Variants in XKR4 observed in about 807,000 individuals in gnomAD.
XKR4 encodes XK-related protein 4.
In XKR4, 12 loss-of-function variants were observed where a neutral mutation model predicts 53.9. The ratio of observed to expected loss-of-function variants is 0.22; its 90% CI spans 0.14 to 0.36. The LOEUF (loss-of-function observed/expected upper bound fraction) is 0.36, where lower values mean the gene tolerates loss of function less well. Among genes scored for constraint, XKR4 ranks in the 10% least tolerant of loss-of-function variants. The pLI is 1.00. For synonymous variants in XKR4, 354 were observed against 362.4 expected (o/e 0.98, Z 0.26); for missense variants, 799 against 859.5 (o/e 0.93, Z 0.88).
intron 1 of XKR4, among the ~76,000 whole-genome samples, chr8:55,305,281 T>TTACA (rs1819278963): frequency 6.6e-6 from 1 of 152,188 alleles, no homozygotes; most frequent in South Asian, 2.1e-4. Flanking sequence ...ATCTCTGTCA[T>TTACA]TACAGAAAGT....
At chr8:55,453,041 G>A (rs1295085792) in intron 2 of XKR4, 2 of 617,232 alleles carry the variant, frequency 3.2e-6, no homozygotes, top group East Asian at 8.0e-5. Context: ...TCCTGGGAAG[G>A]TGCCTCCCCA....
chr8:55,505,211 T>C (rs13438901), intron 2 of XKR4, among the ~76,000 whole-genome samples: 4,706 of 152,258 alleles, frequency 0.031, 250 homozygotes, highest in African/African-American at 0.11. Flanking sequence ...TAGCATTGCT[T>C]TGCTGCATCT....
Position 55,450,605 on chromosome 8 carries a change from G to C in XKR4, c.1007-72676G>C, listed in dbSNP as rs1003785293. 10 of 715,440 alleles carry C rather than the reference G, an allele frequency of 1.4e-5. No homozygotes were observed. In the Admixed American group the frequency reaches 1.7e-4, roughly 12 times the overall value. The allele number at this position is 715,440 out of a possible 1,614,324, so 44.3% of individuals were successfully genotyped here. ...GAACTGGCTGAACTCAAACTCCATG[G>C]GGAACTGCAGGTGGAGCTGGTGTAG... On this transcript the variant is annotated intron_variant, in intron 2 of 2. Coordinates refer to ENST00000327381, the MANE Select transcript of XKR4 (RefSeq NM_052898.2).
chr8:55,504,275 C>T (rs746088833), intron 2 of XKR4, among the ~76,000 whole-genome samples: 3 of 151,748 alleles, frequency 2.0e-5, no homozygotes, highest in African/African-American at 4.8e-5. Context: ...TGCAGTGATG[C>T]GATCTCAGCT....
chr8:55,357,543 A>T, intron 1 of XKR4, 135 bp from the exon 2 acceptor site: 2 of 854,772 alleles, frequency 2.3e-6, no homozygotes, highest in Non-Finnish European at 3.6e-6. Context: ...TTTGGACTTT[A>T]ACTCATAAGC....
chr8:55,509,480 A>T (rs1463728755), intron 2 of XKR4, among the ~76,000 whole-genome samples: 1 of 152,200 alleles, frequency 6.6e-6, no homozygotes, highest in Non-Finnish European at 1.5e-5. Context: ...TCCCAAACAG[A>T]ATTTTGTTAT....
intron 2 of XKR4, among the ~76,000 whole-genome samples, chr8:55,397,807 G>A: frequency 6.6e-6 from 1 of 152,136 alleles, no homozygotes; most frequent in Non-Finnish European, 1.5e-5. Flanking sequence ...TCTTGGTCCA[G>A]TTTCAGATGC....
At chr8:55,230,694 T>C (rs773988388) in intron 1 of XKR4, among the ~76,000 whole-genome samples, 5 of 152,026 alleles carry the variant, frequency 3.3e-5, no homozygotes, top group Non-Finnish European at 7.4e-5. Context: ...TCTTGAAAAG[T>C]AGGAATGAAA....
intron 1 of XKR4, among the ~76,000 whole-genome samples, chr8:55,163,435 T>C (rs1331432517): frequency 6.6e-6 from 1 of 152,224 alleles, no homozygotes; most frequent in African/African-American, 2.4e-5. Flanking sequence ...TGGTTCCATA[T>C]AGAATTTCAC....
chr8:55,305,671 A>T (rs112721001), intron 1 of XKR4, among the ~76,000 whole-genome samples: 2,729 of 152,292 alleles, frequency 0.018, 63 homozygotes, highest in African/African-American at 0.053. Flanking sequence ...GATTAGCTTA[A>T]CAAACACAGC....
intron 1 of XKR4, among the ~76,000 whole-genome samples, chr8:55,331,562 T>C (rs561244746): frequency 6.6e-6 from 1 of 152,326 alleles, no homozygotes; most frequent in African/African-American, 2.4e-5. Flanking sequence ...TCTCCAACTA[T>C]TATTGTAGGA....
intron 2 of XKR4, among the ~76,000 whole-genome samples, chr8:55,513,985 G>A (rs1485689296): frequency 6.6e-6 from 1 of 152,156 alleles, no homozygotes; most frequent in African/African-American, 2.4e-5. Context: ...ATCTGTTTAG[G>A]TATTTATGGC....
At chr8:55,455,106 C>T (rs1349675975) in intron 2 of XKR4, 3 of 654,388 alleles carry the variant, frequency 4.6e-6, no homozygotes, top group Non-Finnish European at 8.4e-6. Flanking sequence ...GGCCTGAATG[C>T]CACCAGCAGG....
At chr8:55,495,916 A>G (rs148306323) in intron 2 of XKR4, among the ~76,000 whole-genome samples, 270 of 152,384 alleles carry the variant, frequency 1.8e-3, no homozygotes, top group African/African-American at 6.2e-3. Context: ...TACCAAATGT[A>G]TATATTCACA....
rs139299638 is a variant in XKR4 at position 55,326,222 on chromosome 8, C to T, written c.807-31456C>T. On this transcript the variant is annotated intron_variant, in intron 1 of 2. Transcript: ENST00000327381. The stretch of plus-strand genomic sequence containing the variant: ...GTTCAGGCAAAAAAATCATATACAC[C>T]TGGGTGGGGATGTTGGCGATTGTAA... Among the ~76,000 whole-genome samples, 1,191 of 152,196 alleles carry T rather than the reference C, an allele frequency of 7.8e-3. 11 individuals carry two copies. The highest frequency in any genetic ancestry group is 0.054 in the Middle Eastern group (16 of 294).
rs1233655167 is a variant in XKR4, at chr8:55,441,699, AT to A, written c.1007-81581del. On this transcript the variant is annotated intron_variant, in intron 2 of 2. Coordinates refer to ENST00000327381, the MANE Select transcript of XKR4 (RefSeq NM_052898.2). ...CTGAAGTTATAAATTAATTAAAAAA[AT>A]ATAACTTAATAAGCATTGGTCAGTT... Among the ~76,000 whole-genome samples the A allele has an allele frequency of 5.3e-5, 8 of 152,336 alleles. No individual in the cohort carries two copies. The East Asian group carries it at 9.6e-4, about 18-fold the overall frequency.
At chr8:55,199,707 TAAAC>T (rs942025331) in intron 1 of XKR4, among the ~76,000 whole-genome samples, 2 of 152,134 alleles carry the variant, frequency 1.3e-5, no homozygotes, top group African/African-American at 4.8e-5. Context: ...TTAGAGAAAA[TAAAC>T]AAACAACTCC....
intron 2 of XKR4, among the ~76,000 whole-genome samples, chr8:55,474,364 T>C (rs749169904): frequency 6.6e-6 from 1 of 152,182 alleles, no homozygotes; most frequent in Non-Finnish European, 1.5e-5. Flanking sequence ...TCCTGGAGTA[T>C]GCTCTCTCTA....
At chr8:55,246,092 A>T (rs1388796905) in intron 1 of XKR4, among the ~76,000 whole-genome samples, 3 of 151,896 alleles carry the variant, frequency 2.0e-5, no homozygotes, top group Admixed American at 6.6e-5. Context: ...ACAGAGTGAG[A>T]CTCTGTCCTT....
Sources: allele counts gnomAD v4.1 joint callset (sites outside exome capture counted in the v4.1 genomes callset), GRCh38; gene constraint gnomAD v4.1.1; transcripts MANE v1.5; gene names NCBI Gene and HGNC (gene_info 2026-07-23, HGNC 2026-07-21).